PKHD1: variants seen among roughly 807,000 people sequenced by gnomAD.
PKHD1 encodes the protein fibrocystin.
In PKHD1, 291 loss-of-function variants were observed where a neutral mutation model predicts 412.0. That is an observed-to-expected ratio of 0.71 (90% confidence interval 0.64 to 0.78). PKHD1 has a LOEUF of 0.78. Ranked by LOEUF, PKHD1 falls within the 30% of genes least tolerant of loss-of-function variation. The probability of loss-of-function intolerance (pLI) is 0.00; values close to 1 mark genes in which losing one functional copy is unlikely to be tolerated. For synonymous variants in PKHD1, 1,777 were observed against 1,821.5 expected, an observed-to-expected ratio of 0.98 and a Z score of 0.62; for missense variants, 4,825 against 4,950.7, an observed-to-expected ratio of 0.97 and a Z score of 0.76.
At chr6:51,739,250 G>A (rs1261924865) in intron 60 of PKHD1, among the ~76,000 whole-genome samples, 2 of 150,922 alleles carry the variant, frequency 1.3e-5, no homozygotes, top group Non-Finnish European at 2.9e-5. Context: ...AATTGTTTTA[G>A]AGACAGGTCT....
chr6:51,934,436 T>G, intron 36 of PKHD1, 114 bp from the exon 37 acceptor site: 2 of 742,104 alleles, frequency 2.7e-6, no homozygotes, highest in East Asian at 5.3e-5. Context: ...GAATGTAGAC[T>G]TATTTTATCA....
rs761192093 is a variant in PKHD1, at chr6:51,619,376, G to T, written c.11930C>A (p.Ser3977Tyr). The change falls in exon 67 of 67, where the codon TCC (serine) becomes TAC (tyrosine). Residue 3977 changes from serine (S) to tyrosine (Y), a missense_variant. By Grantham distance (144) the Ser-to-Tyr change is moderately radical. Transcript: ENST00000371117. The part of the protein sequence containing the change: ...VPAPGTTGIT[S>Y]HGHICAPGAP... Reference sequence around the variant, plus strand: ...ACCTGGAGCACAGATGTGCCCATGGGATGTGATGCCAGTAGTACCAGGAGC... The same window carrying T: ...ACCTGGAGCACAGATGTGCCCATGGTATGTGATGCCAGTAGTACCAGGAGC... 5 of 1,613,996 alleles carry T rather than the reference G, an allele frequency of 3.1e-6. No homozygotes were observed. Among genetic ancestry groups the T allele is most frequent in the Non-Finnish European group, 4.2e-6 (5 of 1,179,834 alleles).
chr6:51,947,135 C>T (rs531573129), intron 36 of PKHD1, among the ~76,000 whole-genome samples: 3 of 152,318 alleles, frequency 2.0e-5, no homozygotes, highest in South Asian at 2.1e-4. Flanking sequence ...CCTCTCAAGG[C>T]CACAGATGGC....
intron 43 of PKHD1, among the ~76,000 whole-genome samples, chr6:51,896,771 A>T (rs1457239237): frequency 9.3e-5 from 14 of 151,250 alleles, no homozygotes; most frequent in Non-Finnish European, 1.8e-4. Context: ...TTTGAAAAAA[A>T]TTTAGAAGAA....
Position 51,917,159 on chromosome 6 carries a change from G to C in PKHD1, c.6122-4583C>G, listed in dbSNP as rs139703563. 2.0e-3 allele frequency among the ~76,000 whole-genome samples: 290 copies of C among 146,542 alleles called. 1 individual carries two copies. The highest frequency in any genetic ancestry group is 7.0e-3 in the African/African-American group (276 of 39,550). Reference sequence around the variant, plus strand: ...AAGGCCTTTCAAAATCATTTAGGGTGGGGGAGGGAGAGAGGGAGAGAGGGA... The same window carrying C: ...AAGGCCTTTCAAAATCATTTAGGGTCGGGGAGGGAGAGAGGGAGAGAGGGA... On this transcript the variant is annotated intron_variant, in intron 37 of 66. Coordinates refer to ENST00000371117, the MANE Select transcript of PKHD1 (RefSeq NM_138694.4).
At chr6:52,083,802 T>G (rs1172110875) in intron 2 of PKHD1, among the ~76,000 whole-genome samples, 1 of 152,120 alleles carries the variant, frequency 6.6e-6, no homozygotes, top group Non-Finnish European at 1.5e-5. Flanking sequence ...ACCAACCTAA[T>G]AGAAGCTGTT....
At chr6:51,756,887 AT>A (rs1482840293) in intron 55 of PKHD1, among the ~76,000 whole-genome samples, 1 of 152,098 alleles carries the variant, frequency 6.6e-6, no homozygotes, top group Non-Finnish European at 1.5e-5. Context: ...TGTGAAGACA[AT>A]TTTTCCACAG....
Position 51,990,844 on chromosome 6 carries a change from A to C in PKHD1, c.5751+19465T>G, listed in dbSNP as rs563204586. Among the ~76,000 whole-genome samples the C allele has an allele frequency of 3.9e-4, 59 of 152,294 alleles. 1 individual carries two copies. Among genetic ancestry groups the C allele is most frequent in the African/African-American group, 1.4e-3 (58 of 41,560 alleles). On this transcript the variant is annotated intron_variant, in intron 35 of 66. Transcript: ENST00000371117. ...TTGAAAGTTAGGCAGACTACATTTC[A>C]AACTCATAGCTCCAACATTATTAGC...
chr6:51,800,310 A>G (rs895314352), intron 52 of PKHD1, among the ~76,000 whole-genome samples: 1 of 152,196 alleles, frequency 6.6e-6, no homozygotes, highest in Non-Finnish European at 1.5e-5. Context: ...TAGAACACTA[A>G]AGCTTTAAAA....
At chr6:52,011,500 G>A (rs1016309165) in intron 34 of PKHD1, among the ~76,000 whole-genome samples, 5 of 152,196 alleles carry the variant, frequency 3.3e-5, no homozygotes, top group African/African-American at 1.2e-4. Flanking sequence ...AGATGGTCCT[G>A]TTTCCCAGAG....
chr6:51,645,101 G>T (rs1581810706), intron 63 of PKHD1, among the ~76,000 whole-genome samples: 1 of 152,198 alleles, frequency 6.6e-6, no homozygotes, highest in East Asian at 1.9e-4. Flanking sequence ...GTGATTTATT[G>T]GTATGAAACT....
At chr6:51,710,564 T>A (rs974091890) in intron 60 of PKHD1, among the ~76,000 whole-genome samples, 2 of 152,162 alleles carry the variant, frequency 1.3e-5, no homozygotes, top group African/African-American at 4.8e-5. Flanking sequence ...CATCTTTTAA[T>A]TTCCTTTTCA....
Position 52,071,135 on chromosome 6 carries a change from T to C in PKHD1, c.603-65A>G, listed in dbSNP as rs1235890634. The C allele has an allele frequency of 5.3e-6, 6 of 1,131,382 alleles. No homozygotes were observed. In the African/African-American group the frequency reaches 7.6e-5, roughly 14 times the overall value. The allele number at this position is 1,131,382 out of a possible 1,614,324, so 70.1% of individuals were successfully genotyped here. ...CTCACTACCAGAAGATCTGACTCTT[T>C]AACCAGGAAAGTAGAAAGCAAAAGA... On this transcript the variant is annotated intron_variant, in intron 8 of 66. Transcript: ENST00000371117.
At chr6:51,848,099 T>C in intron 49 of PKHD1, 129 bp from the exon 50 acceptor site, 1 of 701,588 alleles carries the variant, frequency 1.4e-6, no homozygotes, top group Admixed American at 2.1e-5. Flanking sequence ...AATCATACAA[T>C]TTAGACCCAG....
At chr6:51,682,212 A>C in intron 60 of PKHD1, 1 of 456,120 alleles carries the variant, frequency 2.2e-6, no homozygotes, top group Non-Finnish European at 4.4e-6. Context: ...GATAAAGAAC[A>C]TAAGGGAACT....
At chr6:51,776,525 C>T (rs903610364) in intron 53 of PKHD1, among the ~76,000 whole-genome samples, 4 of 152,012 alleles carry the variant, frequency 2.6e-5, no homozygotes, top group Non-Finnish European at 4.4e-5. Flanking sequence ...GATACACTGT[C>T]TATGGCTAGA....
chr6:51,629,708 T>C (rs946447377), intron 65 of PKHD1, among the ~76,000 whole-genome samples: 1 of 152,172 alleles, frequency 6.6e-6, no homozygotes, highest in Non-Finnish European at 1.5e-5. Context: ...AAAGCAATTT[T>C]GCAATTGAAT....
intron 37 of PKHD1, among the ~76,000 whole-genome samples, chr6:51,925,254 G>C (rs1038964622): frequency 6.6e-6 from 1 of 152,168 alleles, no homozygotes; most frequent in Non-Finnish European, 1.5e-5. Flanking sequence ...ATGAACCTTG[G>C]AGCTAGTTAC....
intron 43 of PKHD1, among the ~76,000 whole-genome samples, chr6:51,895,330 G>A (rs140637487): frequency 2.8e-4 from 43 of 152,260 alleles, no homozygotes; most frequent in Non-Finnish European, 4.3e-4. Context: ...GCACATCACA[G>A]ACAATAGAAT....
Sources: gnomAD v4.1 joint callset for allele counts (sites outside exome capture counted in the v4.1 genomes callset) on GRCh38, gnomAD v4.1.1 for gene constraint, MANE v1.5 for transcripts, NCBI Gene and HGNC (gene_info 2026-07-23, HGNC 2026-07-21) for gene names.